Variants in EFNB2 observed in about 807,000 individuals in gnomAD.
The protein encoded by EFNB2 is ephrin-B2.
A neutral mutation model predicts 32.1 loss-of-function variants in EFNB2; 5 were observed. The observed-to-expected ratio is 0.16, with a 90% CI of 0.08 to 0.33. EFNB2 has a LOEUF of 0.33. EFNB2 is among the 10% of genes least tolerant of loss of function. The pLI is 1.00. For missense variants in EFNB2, 263 were observed against 422.6 expected (o/e 0.62, Z 3.31); for synonymous variants, 168 against 166.5 (o/e 1.01, Z -0.07).
intron 1 of EFNB2, chr13:106,521,409 T>C (rs192392242): frequency 6.6e-6 from 1 of 152,310 alleles, no homozygotes; most frequent in Admixed American, 6.5e-5. Context: ...AAAAAGTAAT[T>C]AAACTACAGT....
rs748940240 is a variant in EFNB2, at chr13:106,493,208, G to A, written c.834C>T (p.Ser278=). 1.5e-5 allele frequency: 25 copies of A among 1,614,090 alleles called. No individual in the cohort carries two copies. The East Asian group carries it at 3.3e-4, about 22-fold the overall frequency. ...SLSTLATPKR[S]GNNNGSEPSD... is the part of the protein sequence containing the mutation. ...TGGGCTCTGAGCCGTTGTTGTTGCC[G>A]CTGCGCTTGGGTGTGGCCAGTGTGC... The change falls in exon 5 of 5, where the codon AGC becomes AGT. Residue 278 remains serine (S), a synonymous_variant. Transcript: ENST00000646441. This position sits in a 1 kb window ranked among gnomAD's most constrained non-coding sequence, Gnocchi z 6.1.
In EFNB2 at chr13:106,491,786, TAAC is replaced by T. The variant is rs1425897184; in HGVS notation, c.*1251_*1253del. Reference sequence around the variant, plus strand: ...CCTTTTATAGATAAGGATTCTTTAATAACAACGATGATGATGGAATTACAGCCT... The same window carrying T: ...CCTTTTATAGATAAGGATTCTTTAATAACGATGATGATGGAATTACAGCCT... On this transcript the variant is annotated 3_prime_UTR_variant, in exon 5 of 5. Transcript: ENST00000646441. 1.3e-5 allele frequency: 2 copies of T among 152,650 alleles called. No individual in the cohort carries two copies. Among genetic ancestry groups the T allele is most frequent in the South Asian group, 2.1e-4 (1 of 4,834 alleles). 9.5% of individuals were successfully genotyped at this position (152,650 alleles called of 1,614,324 possible).
rs1028051424 is a variant in EFNB2 at position 106,493,485 on chromosome 13, G to A, written c.614-57C>T. On this transcript the variant is annotated intron_variant, in intron 4 of 4. Coordinates refer to ENST00000646441, the MANE Select transcript of EFNB2 (RefSeq NM_004093.4). The surrounding 1 kb of genome is among the most constrained non-coding windows in gnomAD (Gnocchi z 6.1). ...TAGTTACTGCTGTCCCAGTGCAGAC[G>A]GACTGCTTTTATGACCCTTAAAAAT... 1.5e-5 allele frequency: 23 copies of A among 1,542,118 alleles called. No homozygotes were observed. Among genetic ancestry groups the A allele is most frequent in the African/African-American group, 2.7e-5 (2 of 72,882 alleles).
rs567431040 is a variant in EFNB2, at chr13:106,495,721, C to A, written c.499+27G>T. On this transcript the variant is annotated intron_variant, in intron 3 of 4. Transcript: ENST00000646441. Reference sequence around the variant, plus strand: ...TGGGGGCTACACCAGGTCACAGTGGCGTCATGAAGCAGCAGATGGTCTTTA... The same window carrying A: ...TGGGGGCTACACCAGGTCACAGTGGAGTCATGAAGCAGCAGATGGTCTTTA... The A allele has an allele frequency of 1.9e-6, 3 of 1,606,116 alleles. No individual in the cohort carries two copies. The South Asian group carries it at 3.3e-5, about 18-fold the overall frequency.
intron 2 of EFNB2, among the ~76,000 whole-genome samples, chr13:106,504,157 G>T (rs1878871304): frequency 6.6e-6 from 1 of 152,218 alleles, no homozygotes; most frequent in Admixed American, 6.5e-5. Flanking sequence ...CTGGGAAAGG[G>T]TCAGAGTAAA....
At chr13:106,519,911 T>C (rs942240147) in intron 1 of EFNB2, 2 of 152,238 alleles carry the variant, frequency 1.3e-5, no homozygotes, top group East Asian at 1.9e-4. Context: ...ACTTAAACTT[T>C]TGATGCAATT....
In EFNB2 at chr13:106,534,913, C is replaced by T; in HGVS notation, c.52G>A (p.Val18Ile). 1.2e-6 allele frequency: 2 copies of T among 1,613,840 alleles called. No homozygotes were observed. Among genetic ancestry groups the T allele is most frequent in the Non-Finnish European group, 1.7e-6 (2 of 1,179,838 alleles). ...VWKYCWGVLM[V>I]LCRTAISKSI... ...TTGGAAATCGCAGTTCTGCATAAAA[C>T]CATCAAAACACCCCAGCAGTACTTC... is the stretch of plus-strand genomic sequence containing the variant. Residue 18 changes from valine (V) to isoleucine (I), a missense_variant, in exon 1 of 5, where the codon GTT becomes ATT. By Grantham distance (29) the Val-to-Ile change is conservative. This residue lies in a region of EFNB2 where 46 missense variants were observed against 56.9 expected (regional missense o/e 0.81). Coordinates refer to ENST00000646441, the MANE Select transcript of EFNB2 (RefSeq NM_004093.4).
At chr13:106,534,512 C>A (rs1199022705) in intron 1 of EFNB2, among the ~76,000 whole-genome samples, 1 of 152,220 alleles carries the variant, frequency 6.6e-6, no homozygotes, top group Non-Finnish European at 1.5e-5. Flanking sequence ...TAGATTGTGG[C>A]CATGTCCTTC....
intron 1 of EFNB2, chr13:106,520,389 G>A (rs1221426943): frequency 6.6e-6 from 1 of 152,238 alleles, no homozygotes; most frequent in Non-Finnish European, 1.5e-5. Flanking sequence ...CCTGACAAAG[G>A]ATGCACGCTG....
chr13:106,534,871 G>A lies in EFNB2; in HGVS notation c.94C>T (p.Pro32Ser), dbSNP rs1357762883. The A allele has an allele frequency of 6.2e-7, 1 of 1,613,288 alleles. No homozygotes were observed. The highest frequency in any genetic ancestry group is 8.5e-7 in the Non-Finnish European group (1 of 1,179,660). ...GAGTTCGAGGAATTCCAATAGATAG[G>A]CTCTAAAACTATCGATTTGGAAATC... ...TAISKSIVLE[P>S]IYWNSSNSKF... Residue 32 changes from proline to serine, a missense_variant, in exon 1 of 5, where the codon CCT becomes TCT. By Grantham distance (74) the Pro-to-Ser change is moderately conservative (BLOSUM62 -1). Transcript: ENST00000646441.
At chr13:106,501,361 T>C (rs1878771154) in intron 2 of EFNB2, among the ~76,000 whole-genome samples, 1 of 152,226 alleles carries the variant, frequency 6.6e-6, no homozygotes, top group Non-Finnish European at 1.5e-5. Context: ...CTTCCTTTTA[T>C]GTGTTTTTCA....
chr13:106,534,231 G>C (rs1352579742), intron 1 of EFNB2, among the ~76,000 whole-genome samples: 1 of 152,170 alleles, frequency 6.6e-6, no homozygotes, highest in African/African-American at 2.4e-5. Context: ...CGGCGCGGAG[G>C]AAAGGGCTCG....
intron 1 of EFNB2, among the ~76,000 whole-genome samples, chr13:106,531,287 C>A (rs549798917): frequency 2.6e-4 from 40 of 152,322 alleles, no homozygotes; most frequent in African/African-American, 8.7e-4. Flanking sequence ...TGTGAGGTAT[C>A]GCTTTAGCTT....
rs1878636433 is a variant in EFNB2 at position 106,497,650 on chromosome 13, C to A, written c.407-1810G>T. 2.0e-5 allele frequency among the ~76,000 whole-genome samples: 3 copies of A among 152,240 alleles called. No homozygotes were observed. The South Asian group carries it at 6.2e-4, about 32-fold the overall frequency. On this transcript the variant is annotated intron_variant, in intron 2 of 4. Transcript: ENST00000646441. The stretch of plus-strand genomic sequence containing the variant: ...TGGTGGGCTGCGCCTGTTAACTCGT[C>A]ATTTACATTAGGTATATCTCCTAAT...
rs1879154224 is a variant in EFNB2, at chr13:106,511,971, GT to G, written c.406+557del. The stretch of plus-strand genomic sequence containing the variant: ...TAATGTACTAAGCAAACCAAGTTTC[GT>G]CTTTTTCTTCTGAATCTGGTTTTAA... On this transcript the variant is annotated intron_variant, in intron 2 of 4. Transcript: ENST00000646441. Among the ~76,000 whole-genome samples the G allele has an allele frequency of 1.3e-5, 2 of 152,088 alleles. 1 individual carries two copies. The highest frequency in any genetic ancestry group is 4.1e-4 in the South Asian group (2 of 4,824).
rs776875858 is a variant in EFNB2 at position 106,512,391 on chromosome 13, A to AG, written c.406+137_406+138insC. The AG allele has an allele frequency of 9.9e-3, 3,679 of 372,488 alleles. 51 individuals carry two copies. The highest frequency in any genetic ancestry group is 0.047 in the African/African-American group (1,835 of 38,698). The allele number at this position is 372,488 out of a possible 1,614,324, so 23.1% of individuals were successfully genotyped here. On this transcript the variant is annotated intron_variant, in intron 2 of 4. Transcript: ENST00000646441. ...AATGAAGTTTTCTTTGAAAAAAAAAAAGGGGGGGGGGACAATTTTTCCACA... is the reference window on the plus strand; with the variant it reads ...AATGAAGTTTTCTTTGAAAAAAAAAAGAGGGGGGGGGGACAATTTTTCCACA...
At chr13:106,528,952 C>T (rs886829408) in intron 1 of EFNB2, among the ~76,000 whole-genome samples, 10 of 152,162 alleles carry the variant, frequency 6.6e-5, no homozygotes, top group South Asian at 2.1e-4. Context: ...CTCACATTTA[C>T]GAGTAAAATT....
chr13:106,493,707 G>C lies in EFNB2; in HGVS notation c.614-279C>G, dbSNP rs1177612409. ...TCGGTGACAGCCAGCCCTTGATCTTGCTTCATCTTCTAACCCGTGTCAGCC... is the reference window on the plus strand; with the variant it reads ...TCGGTGACAGCCAGCCCTTGATCTTCCTTCATCTTCTAACCCGTGTCAGCC... On this transcript the variant is annotated intron_variant, in intron 4 of 4. Transcript: ENST00000646441. This position sits in a 1 kb window ranked among gnomAD's most constrained non-coding sequence, Gnocchi z 6.1. 6.6e-6 allele frequency among the ~76,000 whole-genome samples: 1 copy of C among 152,190 alleles called. No homozygotes were observed.
intron 1 of EFNB2, among the ~76,000 whole-genome samples, chr13:106,533,846 G>A (rs933057615): frequency 6.6e-6 from 1 of 152,146 alleles, no homozygotes; most frequent in Non-Finnish European, 1.5e-5. Flanking sequence ...TTCGAAATAA[G>A]GGGATACACA....
Sources: gnomAD v4.1 joint callset for allele counts (sites outside exome capture counted in the v4.1 genomes callset) on GRCh38, gnomAD v4.1.1 for gene constraint, gnomAD v4.1.1 regional missense constraint, Gnocchi (gnomAD v3.1) non-coding constraint, MANE v1.5 for transcripts, NCBI Gene and HGNC (gene_info 2026-07-23, HGNC 2026-07-21) for gene names.